The following RIBC2 variants were observed in gnomAD, a reference collection of about 807,000 sequenced individuals.
RIBC2 encodes the protein RIB43A domain with coiled-coils 2, also known as RIB43A-like with coiled-coils protein 2.
In RIBC2, 40 loss-of-function variants were observed where a neutral mutation model predicts 44.3. That is an observed-to-expected ratio of 0.90 (90% CI 0.70 to 1.18). The LOEUF is 1.18. Among genes scored for constraint, RIBC2 ranks in the 50% most tolerant of loss-of-function variants. The pLI is 0.00. For synonymous variants in RIBC2, 171 were observed against 175.0 expected (o/e 0.98, Z 0.18); for missense variants, 459 against 485.5 (o/e 0.95, Z 0.51).
intron 3 of RIBC2, among the ~76,000 whole-genome samples, chr22:45,421,523 A>ATAATAGTATTATTAATAATAT (rs2087480118): frequency 1.2e-4 from 5 of 40,226 alleles, no homozygotes; most frequent in Admixed American, 2.4e-4. Context: ...ATTAATAATA[A>ATAATAGTATTATTAATAATAT]TAATAGTATT....
intron 1 of RIBC2, 91 bp from the exon 2 acceptor site, chr22:45,414,231 G>A: frequency 6.7e-7 from 1 of 1,503,216 alleles, no homozygotes; most frequent in Non-Finnish European, 8.9e-7. Context: ...TTTACAGTGG[G>A]GCAGAGATTA....
At chr22:45,416,893 A>T (rs1276870408) in intron 2 of RIBC2, among the ~76,000 whole-genome samples, 1 of 141,486 alleles carries the variant, frequency 7.1e-6, no homozygotes, top group Non-Finnish European at 1.5e-5. Context: ...TGTATTGATT[A>T]CTCAGGTTTT....
Position 45,426,153 on chromosome 22 carries a change from A to G in RIBC2, c.881A>G (p.Lys294Arg), listed in dbSNP as rs2087532867. 1 of 1,613,822 alleles carries G rather than the reference A, an allele frequency of 6.2e-7. No individual in the cohort carries two copies. Among genetic ancestry groups the G allele is most frequent in the Non-Finnish European group, 8.5e-7 (1 of 1,179,986 alleles). ...EQLEQIRLVQ[K>R]QQIQEKLRLQ... ...CTGGAGCAGATCCGCCTAGTCCAGA[A>G]GCAGCAAATCCAGGAGAAGCTGGTG... Residue 294 changes from lysine (K) to arginine (R), a missense_variant, in exon 5 of 7, where the codon AAG becomes AGG. Coordinates refer to ENST00000614167, the MANE Select transcript of RIBC2 (RefSeq NM_015653.5).
At chr22:45,415,150 G>T (rs2087409221) in intron 2 of RIBC2, among the ~76,000 whole-genome samples, 1 of 145,472 alleles carries the variant, frequency 6.9e-6, no homozygotes, top group Non-Finnish European at 1.5e-5. Flanking sequence ...AGGAGCTCCA[G>T]ACTTGCCTGG....
At position 45,422,339 on chromosome 22, in the gene RIBC2, C is replaced by G. The variant is rs1874634229; in HGVS notation, c.606C>G (p.His202Gln). Residue 202 changes from histidine to glutamine, a missense_variant, in exon 4 of 7, where the codon CAC becomes CAG. By Grantham distance (24) the His-to-Gln change is conservative. Coordinates refer to ENST00000614167, the MANE Select transcript of RIBC2 (RefSeq NM_015653.5). ...TRLQFDETAK[H>Q]LQKLESTTRK... ...TGCAGTTTGACGAGACAGCCAAGCA[C>G]CTCCAGAAGCTGGAAAGCACCACCA... is the stretch of plus-strand genomic sequence containing the variant. The G allele has an allele frequency of 6.2e-7, 1 of 1,614,076 alleles. No individual in the cohort carries two copies. The highest frequency in any genetic ancestry group is 8.5e-7 in the Non-Finnish European group (1 of 1,180,036).
At chr22:45,429,156 C>G (rs910969101) in intron 5 of RIBC2, among the ~76,000 whole-genome samples, 15 of 152,096 alleles carry the variant, frequency 9.9e-5, no homozygotes, top group African/African-American at 3.6e-4. Context: ...TGGAGGGTCC[C>G]AAAGGGAGGG....
chr22:45,418,298 A>C (rs1001942325), intron 3 of RIBC2: 2 of 177,308 alleles, frequency 1.1e-5, no homozygotes, highest in Non-Finnish European at 1.2e-5. Flanking sequence ...TGAATGGGAA[A>C]GATGCAGGTC....
intron 4 of RIBC2, 48 bp from the exon 5 acceptor site, chr22:45,425,900 C>A: frequency 6.6e-7 from 1 of 1,514,750 alleles, no homozygotes; most frequent in Non-Finnish European, 9.0e-7. Flanking sequence ...TGTCAGAATG[C>A]CCCTGGGGTC....
chr22:45,422,594 C>T (rs1285114884), intron 4 of RIBC2, 186 bp downstream of exon 4: 1 of 605,828 alleles, frequency 1.7e-6, no homozygotes, highest in African/African-American at 1.8e-5. Flanking sequence ...AGTCCTGTGC[C>T]TTAGCTCTGA....
In RIBC2 at chr22:45,417,907, A is replaced by C; in HGVS notation, c.517A>C (p.Arg173=). 1 of 1,612,392 alleles carries C rather than the reference A, an allele frequency of 6.2e-7. No homozygotes were observed. The highest frequency in any genetic ancestry group is 8.5e-7 in the Non-Finnish European group (1 of 1,179,042). Residue 173 remains arginine (R), a synonymous_variant, in exon 3 of 7, where the codon AGG becomes CGG. Transcript: ENST00000614167. The part of the protein sequence containing the change: ...QNREWSLQQQ[R]EWKNARAEQK... ...CAGAGAATGGTCTTTGCAGCAGCAA[A>C]GGGAATGGAAGAACGCCCGTGCTGA...
At chr22:45,416,886 A>G (rs58661272) in intron 2 of RIBC2, among the ~76,000 whole-genome samples, 2,971 of 140,624 alleles carry the variant, frequency 0.021, 93 homozygotes, top group African/African-American at 0.073. Context: ...TCATAATTGT[A>G]TTGATTACTC....
chr22:45,416,492 T>C (rs2087426119), intron 2 of RIBC2, among the ~76,000 whole-genome samples: 2 of 152,204 alleles, frequency 1.3e-5, no homozygotes, highest in South Asian at 4.1e-4. Flanking sequence ...AGATGGAGTC[T>C]TGCTCTGTCA....
chr22:45,418,037 T>TG, intron 3 of RIBC2, 91 bp downstream of exon 3: 3 of 850,640 alleles, frequency 3.5e-6, no homozygotes, highest in South Asian at 2.3e-5. Flanking sequence ...ACCCTACAGT[T>TG]TTTTTTTTTT....
intron 4 of RIBC2, 30 bp downstream of exon 4, chr22:45,422,438 C>A: frequency 1.3e-6 from 2 of 1,501,338 alleles, no homozygotes; most frequent in Non-Finnish European, 1.9e-6. Context: ...TCGGGCTCGA[C>A]GACTGGAGGG....
At chr22:45,417,980 G>A (rs376227565) in intron 3 of RIBC2, 34 bp downstream of exon 3, 21 of 1,419,090 alleles carry the variant, frequency 1.5e-5, no homozygotes, top group Admixed American at 7.3e-5. Context: ...TGGTCTCAAC[G>A]CTCTCTTCAA....
intron 5 of RIBC2, among the ~76,000 whole-genome samples, chr22:45,426,716 C>T (rs1307544223): frequency 6.6e-6 from 1 of 152,112 alleles, no homozygotes; most frequent in East Asian, 1.9e-4. Context: ...GAACAGGATC[C>T]CCAGCGTGAT....
intron 5 of RIBC2, among the ~76,000 whole-genome samples, chr22:45,430,612 C>T (rs903572319): frequency 6.6e-6 from 1 of 152,178 alleles, no homozygotes; most frequent in Non-Finnish European, 1.5e-5. Context: ...GAGCCCTGCA[C>T]CCCGGAGCTG....
rs61739910 is a variant in RIBC2, at chr22:45,426,054, C to T, written c.782C>T (p.Pro261Leu). 5.4e-4 allele frequency: 866 copies of T among 1,614,088 alleles called. 13 individuals carry two copies. Among genetic ancestry groups the T allele is most frequent in the South Asian group, 5.4e-3 (488 of 91,074 alleles). Residue 261 changes from proline to leucine, a missense_variant, in exon 5 of 7, where the codon CCG becomes CTG. Coordinates refer to ENST00000614167, the MANE Select transcript of RIBC2 (RefSeq NM_015653.5). ...LLRGDLLSEN[P>L]QQAASSFGPH... ...CGTGGGGACCTGCTCTCCGAGAACCCGCAGCAGGCAGCCAGCTCCTTCGGG... is the reference window on the plus strand; with the variant it reads ...CGTGGGGACCTGCTCTCCGAGAACCTGCAGCAGGCAGCCAGCTCCTTCGGG...
chr22:45,430,792 G>C, intron 5 of RIBC2, 108 bp from the exon 6 acceptor site: 2 of 1,341,306 alleles, frequency 1.5e-6, no homozygotes, highest in Non-Finnish European at 2.0e-6. Flanking sequence ...CGTCCTCTGA[G>C]CCTCAGTTTC....
Sources: allele counts gnomAD v4.1 joint callset (sites outside exome capture counted in the v4.1 genomes callset), GRCh38; gene constraint gnomAD v4.1.1; transcripts MANE v1.5; gene names NCBI Gene and HGNC (gene_info 2026-07-23, HGNC 2026-07-21).